The following NPHP1 variants were observed in gnomAD, a reference collection of about 807,000 sequenced individuals.
The protein encoded by NPHP1 is nephrocystin-1.
Under a neutral mutation model 90.4 loss-of-function variants are expected in NPHP1, and 70 were observed. The ratio of observed to expected loss-of-function variants is 0.77; its 90% CI spans 0.64 to 0.95. The LOEUF is 0.95. Ranked by LOEUF, NPHP1 falls within the 40% of genes least tolerant of loss-of-function variation. The pLI is 0.00. For missense variants in NPHP1, 764 were observed against 795.9 expected (o/e 0.96, Z 0.48); for synonymous variants, 256 against 271.7 (o/e 0.94, Z 0.57).
chr2:110,194,183 C>CA (rs1022612512), intron 2 of NPHP1, among the ~76,000 whole-genome samples: 5 of 151,514 alleles, frequency 3.3e-5, no homozygotes, highest in Admixed American at 6.6e-5. Context: ...GAGATAGAGA[C>CA]AAAAAAACCC....
At chr2:110,159,950 T>G (rs573191473) in intron 11 of NPHP1, among the ~76,000 whole-genome samples, 177 bp downstream of exon 11, 2 of 152,266 alleles carry the variant, frequency 1.3e-5, no homozygotes, top group East Asian at 3.9e-4. Context: ...ATCTAAGTAC[T>G]GTTTAACCTG....
At position 110,201,506 on chromosome 2, in the gene NPHP1, A is replaced by T; in HGVS notation, c.70-12T>A. 6.3e-7 allele frequency: 1 copy of T among 1,582,110 alleles called. No individual in the cohort carries two copies. The highest frequency in any genetic ancestry group is 8.7e-7 in the Non-Finnish European group (1 of 1,153,272). On this transcript the variant is annotated splice_polypyrimidine_tract_variant and intron_variant, in intron 1 of 19. Coordinates refer to ENST00000445609, the MANE Select transcript of NPHP1 (RefSeq NM_001128178.3). ...AGCAAACTATCAACCTATGGAGACC[A>T]TTTAAAATATCACATTATTAAATAC...
Position 110,177,817 on chromosome 2 carries a change from C to A in NPHP1, c.329+606G>T, listed in dbSNP as rs1162789520. ...TGTGCACTGAGGTGATTATAGCTCACTGCAGCCTGGAACTTCTGGGCTCAA... is the reference window on the plus strand; with the variant it reads ...TGTGCACTGAGGTGATTATAGCTCAATGCAGCCTGGAACTTCTGGGCTCAA... On this transcript the variant is annotated intron_variant, in intron 4 of 19. Coordinates refer to ENST00000445609, the MANE Select transcript of NPHP1 (RefSeq NM_001128178.3). Among the ~76,000 whole-genome samples, 4 of 151,944 alleles carry A rather than the reference C, an allele frequency of 2.6e-5. No homozygotes were observed. In the East Asian group the frequency reaches 5.8e-4, roughly 22 times the overall value.
intron 4 of NPHP1, among the ~76,000 whole-genome samples, chr2:110,177,889 C>T (rs764112876): frequency 7.9e-5 from 12 of 151,978 alleles, no homozygotes; most frequent in Admixed American, 4.6e-4. Context: ...ACTACAGGTA[C>T]GTGCCACCAA....
chr2:110,178,567 T>C lies in NPHP1; in HGVS notation c.205-20A>G. 6.3e-7 allele frequency: 1 copy of C among 1,581,618 alleles called. No individual in the cohort carries two copies. Among genetic ancestry groups the C allele is most frequent in the Middle Eastern group, 1.7e-4 (1 of 5,892 alleles). ...ATCAGCCTATGAGAGAATATAGGTC[T>C]ATTTCACTAAAAAATTAATTTCAGT... On this transcript the variant is annotated intron_variant, in intron 3 of 19. Coordinates refer to ENST00000445609, the MANE Select transcript of NPHP1 (RefSeq NM_001128178.3).
chr2:110,177,077 A>G (rs1683557992), intron 4 of NPHP1, among the ~76,000 whole-genome samples: 1 of 152,110 alleles, frequency 6.6e-6, no homozygotes, highest in Non-Finnish European at 1.5e-5. Context: ...TTCCTCCACC[A>G]CAGCTCATAA....
chr2:110,123,694 T>C lies in NPHP1; in HGVS notation c.*97A>G, dbSNP rs951837353. The C allele has an allele frequency of 1.3e-5, 16 of 1,244,898 alleles. No homozygotes were observed. The highest frequency in any genetic ancestry group is 8.8e-5 in the Admixed American group (5 of 56,582). 77.1% of individuals were successfully genotyped at this position (1,244,898 alleles called of 1,614,324 possible). A position where few individuals can be genotyped will look rare whatever the true frequency, so the allele number is the denominator to read the frequency against. On this transcript the variant is annotated 3_prime_UTR_variant, in exon 20 of 20. Coordinates refer to ENST00000445609, the MANE Select transcript of NPHP1 (RefSeq NM_001128178.3). Reference sequence around the variant, plus strand: ...AAAGAAAAGAGTAAAACCTAAGTTGTAAAGTGACAGTGATTTTTGGTTCCA... The same window carrying C: ...AAAGAAAAGAGTAAAACCTAAGTTGCAAAGTGACAGTGATTTTTGGTTCCA...
At chr2:110,185,517 C>T (rs1420855546) in intron 2 of NPHP1, among the ~76,000 whole-genome samples, 1 of 152,144 alleles carries the variant, frequency 6.6e-6, no homozygotes. Flanking sequence ...GGGAGATAAA[C>T]CACCCCCTGG....
At chr2:110,189,843 G>A (rs1184282526) in intron 2 of NPHP1, among the ~76,000 whole-genome samples, 1 of 152,150 alleles carries the variant, frequency 6.6e-6, no homozygotes, top group Non-Finnish European at 1.5e-5. Flanking sequence ...TAGATATAGA[G>A]TGTCGATGGG....
At chr2:110,138,067 T>C (rs1296494876) in intron 16 of NPHP1, among the ~76,000 whole-genome samples, 1 of 151,182 alleles carries the variant, frequency 6.6e-6, no homozygotes, top group African/African-American at 2.4e-5. Flanking sequence ...CAGCAAACTA[T>C]CGCAAGACAA....
intron 11 of NPHP1, 93 bp downstream of exon 11, chr2:110,160,034 T>C: frequency 2.2e-6 from 3 of 1,379,394 alleles, no homozygotes; most frequent in Non-Finnish European, 3.1e-6. Context: ...AAATACTCTC[T>C]TGGGAATTGG....
chr2:110,204,380 C>T (rs1050107768), intron 1 of NPHP1, among the ~76,000 whole-genome samples: 2 of 152,142 alleles, frequency 1.3e-5, no homozygotes, highest in African/African-American at 4.8e-5. Flanking sequence ...TCTCGTTCAC[C>T]TCCTTTGCTC....
chr2:110,204,887 A>C lies in NPHP1; in HGVS notation c.69+13T>G. The C allele has an allele frequency of 1.9e-6, 3 of 1,613,658 alleles. No homozygotes were observed. Among genetic ancestry groups the C allele is most frequent in the Non-Finnish European group, 2.5e-6 (3 of 1,179,770 alleles). On this transcript the variant is annotated intron_variant, in intron 1 of 19. Transcript: ENST00000445609. The stretch of plus-strand genomic sequence containing the variant: ...TCGCCCGCCCCAGGGCCCTCTGCAC[A>C]GCCTGACCATACCTGTTGCTTCAGC...
intron 8 of NPHP1, chr2:110,163,406 C>G (rs1682489998): frequency 4.4e-6 from 2 of 450,594 alleles, no homozygotes; most frequent in Non-Finnish European, 8.2e-6. Flanking sequence ...TCAAAATGTC[C>G]CTGCTCCTGT....
chr2:110,170,065 A>T, intron 4 of NPHP1, 67 bp from the exon 5 acceptor site: 2 of 1,586,892 alleles, frequency 1.3e-6, no homozygotes, highest in Admixed American at 1.7e-5. Context: ...CTATGAGTGT[A>T]ACTTCTACAT....
intron 2 of NPHP1, chr2:110,183,944 T>C: frequency 3.0e-6 from 1 of 333,938 alleles, no homozygotes; most frequent in South Asian, 2.6e-5. Context: ...ACTGAAATTA[T>C]AACAAACAGA....
At chr2:110,163,553 T>C (rs549024542) in intron 8 of NPHP1, 18 of 189,122 alleles carry the variant, frequency 9.5e-5, no homozygotes, top group African/African-American at 4.1e-4. Context: ...CATACAAGGA[T>C]GTACTTATAA....
In NPHP1 at chr2:110,144,507, G is replaced by T; in HGVS notation, c.1415C>A (p.Ser472Ter). The change falls in exon 15 of 20, where the codon TCA (serine) becomes TAA (stop). Residue 472 changes from serine to a stop codon, truncating the protein, a stop_gained. Transcript: ENST00000445609. LOFTEE classifies it high-confidence loss of function. ...GAGAGCCATACCTCTTCTGGATATT[G>T]AAGGGTCCACTTCAATACCTTTTTC... ...PYEKGIEVDP[S>*]ISRRAHGSVF... 1 of 1,603,694 alleles carries T rather than the reference G, an allele frequency of 6.2e-7. No homozygotes were observed. Among genetic ancestry groups the T allele is most frequent in the Non-Finnish European group, 8.5e-7 (1 of 1,170,710 alleles).
chr2:110,168,907 T>C (rs1223624441), intron 5 of NPHP1, among the ~76,000 whole-genome samples: 5 of 152,160 alleles, frequency 3.3e-5, no homozygotes, highest in African/African-American at 1.2e-4. Flanking sequence ...TTAATATCTC[T>C]GGAAAAGTGT....
Sources: allele counts gnomAD v4.1 joint callset (sites outside exome capture counted in the v4.1 genomes callset), GRCh38; gene constraint gnomAD v4.1.1; transcripts MANE v1.5; gene names NCBI Gene and HGNC (gene_info 2026-07-23, HGNC 2026-07-21).